Variants in PP2D1 observed in about 807,000 individuals in gnomAD.
PP2D1 encodes the protein protein phosphatase 2C like domain containing 1, also known as protein phosphatase 2C-like domain-containing protein 1.
Under a neutral mutation model 30.2 loss-of-function variants are expected in PP2D1, and 25 were observed. The ratio of observed to expected loss-of-function variants is 0.83; its 90% confidence interval spans 0.60 to 1.16. The LOEUF (loss-of-function observed/expected upper bound fraction) is 1.16, where lower values mean the gene tolerates loss of function less well. Ranked by LOEUF, PP2D1 falls within the 50% of genes most tolerant of loss-of-function variation. PP2D1 has a pLI of 0.00. For synonymous variants in PP2D1, 260 were observed against 258.9 expected (o/e 1.00, Z -0.04); for missense variants, 760 against 742.4 (o/e 1.02, Z -0.28).
In PP2D1 at chr3:19,986,142, A is replaced by C; in HGVS notation, c.1131T>G (p.Phe377Leu). ...QAVLCRNGKG[F>L]CLTKEHTTRN... ...GTGTAGTATGTTCTTTGGTTAGGCA[A>C]AAACCTTTCCCATTTCTGCATAAGA... Residue 377 changes from phenylalanine to leucine, a missense_variant, in exon 3 of 3, where the codon TTT becomes TTG. Coordinates refer to ENST00000389050, the MANE Select transcript of PP2D1 (RefSeq NM_001252657.2). The C allele has an allele frequency of 6.6e-7, 1 of 1,524,318 alleles. No homozygotes were observed. Among genetic ancestry groups the C allele is most frequent in the Non-Finnish European group, 8.8e-7 (1 of 1,142,664 alleles). The allele number at this position is 1,524,318 out of a possible 1,614,324, so 94.4% of individuals were successfully genotyped here.
chr3:19,998,828 G>T (rs1697215411), intron 2 of PP2D1, among the ~76,000 whole-genome samples: 1 of 152,012 alleles, frequency 6.6e-6, no homozygotes, highest in South Asian at 2.1e-4. Flanking sequence ...AATAATTCTT[G>T]AAAAATTTGT....
intron 2 of PP2D1, among the ~76,000 whole-genome samples, chr3:19,987,004 T>C (rs914656590): frequency 6.8e-5 from 10 of 146,634 alleles, no homozygotes; most frequent in Admixed American, 1.4e-4. Context: ...GCCATTGCAC[T>C]CCAGCCTGGG....
At chr3:20,009,279 T>C (rs1697358542) in intron 1 of PP2D1, among the ~76,000 whole-genome samples, 1 of 151,956 alleles carries the variant, frequency 6.6e-6, no homozygotes, top group African/African-American at 2.4e-5. Flanking sequence ...CTGGGCAACA[T>C]AGTGAAACCC....
Position 20,001,530 on chromosome 3 carries a change from T to C in PP2D1, c.590A>G (p.Asn197Ser), listed in dbSNP as rs1419617975. The C allele has an allele frequency of 3.3e-6, 5 of 1,536,126 alleles. No homozygotes were observed. Among genetic ancestry groups the C allele is most frequent in the Non-Finnish European group, 2.6e-6 (3 of 1,146,874 alleles). ...DKFTVVSNFG[N>S]KPNVCFFGLF... ...ACCAAAAAAACACACATTAGGTTTGTTACCAAAATTACTCACTACAGTGAA... is the reference window on the plus strand; with the variant it reads ...ACCAAAAAAACACACATTAGGTTTGCTACCAAAATTACTCACTACAGTGAA... Residue 197 changes from asparagine to serine, a missense_variant, in exon 2 of 3, where the codon AAC becomes AGC. Asn to Ser is a conservative substitution (Grantham distance 46). This residue lies in a region of PP2D1 where 374 missense variants were observed against 388.8 expected (regional missense o/e 0.96). Transcript: ENST00000389050.
rs1015863230 is a variant in PP2D1 at position 19,980,211 on chromosome 3, C to T, written c.*63-37G>A. ...GAGGAAACAATGAGTTAATAGGCCT[C>T]TCAAATCAGCCTGCACTGTAAACCT... On this transcript the variant is annotated intron_variant and NMD_transcript_variant, in intron 3 of 3. Coordinates refer to the PP2D1 transcript ENST00000333083. 2.0e-5 allele frequency: 3 copies of T among 152,296 alleles called. No homozygotes were observed. In the East Asian group the frequency reaches 5.8e-4, roughly 29 times the overall value. 9.4% of individuals were successfully genotyped at this position (152,296 alleles called of 1,614,324 possible).
chr3:20,002,875 G>A (rs1697272802), intron 1 of PP2D1, among the ~76,000 whole-genome samples: 1 of 152,082 alleles, frequency 6.6e-6, no homozygotes, highest in South Asian at 2.1e-4. Context: ...CCAACATGGT[G>A]AAACCCCATC....
At chr3:20,004,158 T>G (rs1414227096) in intron 1 of PP2D1, among the ~76,000 whole-genome samples, 2 of 152,234 alleles carry the variant, frequency 1.3e-5, no homozygotes, top group East Asian at 3.8e-4. Context: ...TTTTTTATTC[T>G]TTGTACAATG....
At chr3:20,000,780 T>C (rs147707134) in intron 2 of PP2D1, among the ~76,000 whole-genome samples, 4 of 152,340 alleles carry the variant, frequency 2.6e-5, no homozygotes, top group East Asian at 3.9e-4. Context: ...TGCTACCCCT[T>C]TGGGAAACTT....
chr3:20,000,347 A>G (rs1697235868), intron 2 of PP2D1, among the ~76,000 whole-genome samples: 1 of 152,174 alleles, frequency 6.6e-6, no homozygotes, highest in Non-Finnish European at 1.5e-5. Context: ...TGATAATTCT[A>G]TCTATGAAAA....
At chr3:20,009,660 C>A in intron 1 of PP2D1, among the ~76,000 whole-genome samples, 1 of 152,032 alleles carries the variant, frequency 6.6e-6, no homozygotes, top group East Asian at 1.9e-4. Flanking sequence ...GGAAGGAAAG[C>A]CTTCTATGAT....
chr3:19,994,910 G>C (rs1029974759), intron 2 of PP2D1, among the ~76,000 whole-genome samples: 1 of 152,218 alleles, frequency 6.6e-6, no homozygotes, highest in Non-Finnish European at 1.5e-5. Flanking sequence ...ATTTGAAAAG[G>C]ATTAGAGGGA....
At position 19,986,069 on chromosome 3, in the gene PP2D1, T is replaced by G; in HGVS notation, c.1204A>C (p.Ser402Arg). 6.5e-7 allele frequency: 1 copy of G among 1,536,044 alleles called. No individual in the cohort carries two copies. Among genetic ancestry groups the G allele is most frequent in the South Asian group, 1.2e-5 (1 of 84,062 alleles). Residue 402 changes from serine (S) to arginine (R), a missense_variant, in exon 3 of 3, where the codon AGT becomes CGT. Physicochemically the swap from Ser to Arg is moderately radical, Grantham distance 110. Around this residue, in one of 3 missense-constraint regions of PP2D1, gnomAD observed 369 missense variants for 316.2 expected, o/e 1.17. Transcript: ENST00000389050. ...RRILQNGAVI[S>R]SNEPYGLVEG... is the part of the protein sequence containing the mutation. ...ACAAGCCCGTATGGTTCATTTGAAC[T>G]AATGACTGCTCCATTCTGAAGTATT... is the stretch of plus-strand genomic sequence containing the variant.
chr3:19,987,571 G>A (rs946170780), intron 2 of PP2D1, among the ~76,000 whole-genome samples: 3 of 152,084 alleles, frequency 2.0e-5, no homozygotes, highest in Admixed American at 6.6e-5. Flanking sequence ...TGCAGGAGGA[G>A]TTCAATTCTA....
At chr3:20,007,536 AG>A (rs1162906306) in intron 1 of PP2D1, among the ~76,000 whole-genome samples, 2 of 152,240 alleles carry the variant, frequency 1.3e-5, no homozygotes, top group East Asian at 3.9e-4. Context: ...AGGGAGGCCG[AG>A]GCTGTCGGAT....
Position 19,998,983 on chromosome 3 carries a change from C to T in PP2D1, c.1090+2047G>A, listed in dbSNP as rs546741156. Among the ~76,000 whole-genome samples, 3 of 152,136 alleles carry T rather than the reference C, an allele frequency of 2.0e-5. No homozygotes were observed. In the South Asian group the frequency reaches 6.2e-4, roughly 32 times the overall value. ...GTCTTTCTATGAAAATGCAACATGC[C>T]TAGATGCAAACAGTTTAACACCATT... On this transcript the variant is annotated intron_variant, in intron 2 of 2. Transcript: ENST00000389050.
chr3:19,983,926 A>G (rs1251660766), downstream of PP2D1: 3 of 776,364 alleles, frequency 3.9e-6, no homozygotes, highest in Non-Finnish European at 6.3e-6. Flanking sequence ...AAAAGAAGAG[A>G]CTTATGATAG....
chr3:19,999,081 CTT>C (rs63201460), intron 2 of PP2D1, among the ~76,000 whole-genome samples: 5 of 135,200 alleles, frequency 3.7e-5, no homozygotes, highest in Non-Finnish European at 3.1e-5. Context: ...TGTGTCTAGA[CTT>C]TTTTTTTTTT....
At chr3:20,002,825 G>C (rs1245275930) in intron 1 of PP2D1, among the ~76,000 whole-genome samples, 2 of 152,126 alleles carry the variant, frequency 1.3e-5, no homozygotes, top group Admixed American at 6.5e-5. Context: ...GGAGGCTGAG[G>C]CGGGCTGATC....
In PP2D1 at chr3:20,001,033, T is replaced by C. The variant is rs962952445; in HGVS notation, c.1087A>G (p.Thr363Ala). 125 of 1,391,332 alleles carry C rather than the reference T, an allele frequency of 9.0e-5. No homozygotes were observed. The highest frequency in any genetic ancestry group is 1.2e-4 in the Non-Finnish European group (125 of 1,073,710). The allele number at this position is 1,391,332 out of a possible 1,614,324, so 86.2% of individuals were successfully genotyped here. ...TGGTGCTATTCAATGTACATACCAG[T>C]GTTTGCAACATGTAATATTCCAGAA... Reference protein sequence around the residue: ...IISGILHVANTGNVQAVLCRN... With the variant: ...IISGILHVANAGNVQAVLCRN... The change falls in exon 2 of 3, where the codon ACT (threonine) becomes GCT (alanine). Residue 363 changes from threonine (T) to alanine (A), a missense_variant. Physicochemically the swap from Thr to Ala is moderately conservative, Grantham distance 58. Around this residue, in one of 3 missense-constraint regions of PP2D1, gnomAD observed 369 missense variants for 316.2 expected, o/e 1.17. Transcript: ENST00000389050.
Sources: gnomAD v4.1 joint callset for allele counts (sites outside exome capture counted in the v4.1 genomes callset) on GRCh38, gnomAD v4.1.1 for gene constraint, gnomAD v4.1.1 regional missense constraint, MANE v1.5 for transcripts, NCBI Gene and HGNC (gene_info 2026-07-23, HGNC 2026-07-21) for gene names.